Variants in ARB2A observed in about 807,000 individuals in gnomAD.
ARB2A encodes the protein ARB2 cotranscriptional regulator A.
At chr5:93,642,941 T>C in the ARB2A span, among the ~76,000 whole-genome samples, 1 of 152,194 alleles carries the variant, frequency 6.6e-6, no homozygotes, top group Non-Finnish European at 1.5e-5. Flanking sequence ...GTGGAGACTT[T>C]TGACACAACA....
the ARB2A span, among the ~76,000 whole-genome samples, chr5:93,839,708 T>C: frequency 6.6e-6 from 1 of 152,054 alleles, no homozygotes; most frequent in Non-Finnish European, 1.5e-5. Flanking sequence ...TTGGAACTCA[T>C]TATTGGTCTG....
chr5:93,672,412 C>T, the ARB2A span, among the ~76,000 whole-genome samples: 5 of 151,764 alleles, frequency 3.3e-5, no homozygotes, highest in Admixed American at 2.0e-4. Context: ...CTGGTTCAAG[C>T]GATTCTCCTG....
chr5:94,039,472 G>A, the ARB2A span, among the ~76,000 whole-genome samples: 1 of 152,120 alleles, frequency 6.6e-6, no homozygotes, highest in Non-Finnish European at 1.5e-5. Context: ...CAAATGCCAT[G>A]GCAACATCAG....
chr5:93,641,406 A>G, the ARB2A span, among the ~76,000 whole-genome samples: 1 of 152,202 alleles, frequency 6.6e-6, no homozygotes, highest in South Asian at 2.1e-4. Context: ...AAGTTAAAAA[A>G]TCATATTGAT....
the ARB2A span, among the ~76,000 whole-genome samples, chr5:93,695,208 G>C: frequency 6.6e-6 from 1 of 152,042 alleles, no homozygotes; most frequent in Non-Finnish European, 1.5e-5. Context: ...TTAAACTAAA[G>C]AGCTTCTGCA....
chr5:93,771,499 A>G, the ARB2A span, among the ~76,000 whole-genome samples: 1 of 151,732 alleles, frequency 6.6e-6, no homozygotes, highest in Non-Finnish European at 1.5e-5. Context: ...AAAAGAAACT[A>G]CCATCAGAGT....
chr5:93,742,018 CACT>C, the ARB2A span, among the ~76,000 whole-genome samples: 1 of 152,132 alleles, frequency 6.6e-6, no homozygotes, highest in Non-Finnish European at 1.5e-5. Context: ...ACTGCCCCCT[CACT>C]ACTATCTTTA....
chr5:93,764,034 G>T, the ARB2A span, among the ~76,000 whole-genome samples: 19 of 152,174 alleles, frequency 1.2e-4, no homozygotes, highest in African/African-American at 4.6e-4. Flanking sequence ...GAATCTCTCG[G>T]ACACATTCAA....
chr5:93,743,544 T>G, the ARB2A span: 1 of 985,202 alleles, frequency 1.0e-6, no homozygotes, highest in South Asian at 4.7e-5. Context: ...TACATGCTAT[T>G]TTTTTCAAAA....
At chr5:93,966,692 T>A in the ARB2A span, among the ~76,000 whole-genome samples, 1 of 152,064 alleles carries the variant, frequency 6.6e-6, no homozygotes, top group Non-Finnish European at 1.5e-5. Flanking sequence ...TCAGCTCTAG[T>A]CATCCTCCAA....
chr5:94,083,187 T>C, the ARB2A span, among the ~76,000 whole-genome samples: 3 of 152,218 alleles, frequency 2.0e-5, no homozygotes, highest in Non-Finnish European at 4.4e-5. Context: ...TTATTAGACC[T>C]ATGCTTAAAC....
chr5:93,858,680 G>T, the ARB2A span, among the ~76,000 whole-genome samples: 1 of 152,158 alleles, frequency 6.6e-6, no homozygotes, highest in Non-Finnish European at 1.5e-5. Context: ...AAGCATATAT[G>T]CCTGAAGTGA....
the ARB2A span, among the ~76,000 whole-genome samples, chr5:93,867,503 C>T: frequency 4.6e-5 from 7 of 152,160 alleles, no homozygotes; most frequent in East Asian, 5.8e-4. Context: ...CTACAACCTC[C>T]GCCTCCCAGG....
the ARB2A span, among the ~76,000 whole-genome samples, chr5:93,675,725 G>T: frequency 4.6e-5 from 7 of 152,204 alleles, no homozygotes; most frequent in Non-Finnish European, 8.8e-5. Context: ...ATATCAAGAA[G>T]TATTTTTACT....
At chr5:94,038,662 G>A in the ARB2A span, among the ~76,000 whole-genome samples, 3 of 151,830 alleles carry the variant, frequency 2.0e-5, no homozygotes, top group African/African-American at 7.3e-5. Context: ...GTGCATTTCA[G>A]GAGCAAGACT....
chr5:94,098,108 A>T, the ARB2A span, among the ~76,000 whole-genome samples: 3 of 152,156 alleles, frequency 2.0e-5, no homozygotes, highest in Non-Finnish European at 4.4e-5. Flanking sequence ...ATCATCCAGA[A>T]ATGAAGACAG....
chr5:93,624,861 G>T, the ARB2A span, among the ~76,000 whole-genome samples: 4 of 152,134 alleles, frequency 2.6e-5, no homozygotes, highest in Admixed American at 2.0e-4. Flanking sequence ...ATATGGATTA[G>T]AATTTAAATA....
chr5:94,003,846 T>C, the ARB2A span, among the ~76,000 whole-genome samples: 1 of 152,128 alleles, frequency 6.6e-6, no homozygotes, highest in South Asian at 2.1e-4. Flanking sequence ...TAGATGATTA[T>C]TTTAAAAATT....
the ARB2A span, among the ~76,000 whole-genome samples, chr5:93,954,882 C>G: frequency 6.6e-6 from 1 of 152,106 alleles, no homozygotes; most frequent in South Asian, 2.1e-4. Context: ...AATGCTCCCT[C>G]CATGGATGCC....
Sources: gnomAD v4.1 joint callset for allele counts (sites outside exome capture counted in the v4.1 genomes callset) on GRCh38, gnomAD v4.1.1 for gene constraint, MANE v1.5 for transcripts, NCBI Gene and HGNC (gene_info 2026-07-23, HGNC 2026-07-21) for gene names.